CSNK2A1: variants seen among roughly 807,000 people sequenced by gnomAD.
CSNK2A1 encodes casein kinase 2 alpha 1, also known as casein kinase II subunit alpha.
In CSNK2A1, 10 loss-of-function variants were observed where a neutral mutation model predicts 62.9. That is an observed-to-expected ratio of 0.16 (90% CI 0.10 to 0.27). CSNK2A1 has a LOEUF of 0.27. Ranked by LOEUF, CSNK2A1 falls within the 10% of genes least tolerant of loss-of-function variation. The probability of loss-of-function intolerance (pLI) is 1.00; values close to 1 mark genes in which losing one functional copy is unlikely to be tolerated. For synonymous variants in CSNK2A1, 124 were observed against 167.8 expected, an observed-to-expected ratio of 0.74 and a Z score of 2.02; for missense variants, 160 against 492.0, an observed-to-expected ratio of 0.33 and a Z score of 6.38.
rs1436527416 is a variant in CSNK2A1, at chr20:477,754, G to A, written c.*6207C>T. 2 of 152,354 alleles carry A rather than the reference G, an allele frequency of 1.3e-5. No homozygotes were observed. The highest frequency in any genetic ancestry group is 2.9e-5 in the Non-Finnish European group (2 of 68,186). The allele number at this position is 152,354 out of a possible 1,614,324, so 9.4% of individuals were successfully genotyped here. A position where few individuals can be genotyped will look rare whatever the true frequency, so the allele number is the denominator to read the frequency against. ...CGCCTGTAATCCCACCACTTTGGGA[G>A]GCTTGGGCGGGCGGATCACCTGAGG... is the stretch of plus-strand genomic sequence containing the variant. On this transcript the variant is annotated 3_prime_UTR_variant, in exon 14 of 14. Coordinates refer to ENST00000217244, the MANE Select transcript of CSNK2A1 (RefSeq NM_177559.3).
chr20:484,998 C>T (rs531627632), intron 13 of CSNK2A1, among the ~76,000 whole-genome samples: 12 of 132,000 alleles, frequency 9.1e-5, no homozygotes, highest in African/African-American at 2.3e-4. Flanking sequence ...ACCCGGGAGG[C>T]GGAGGCTGCA....
At chr20:503,514 G>T (rs1160992463) in intron 4 of CSNK2A1, 1 of 398,490 alleles carries the variant, frequency 2.5e-6, no homozygotes, top group Admixed American at 4.4e-5. Context: ...ACATTTTTGA[G>T]GAAGACACAT....
chr20:519,649 C>A (rs58317189), intron 2 of CSNK2A1, among the ~76,000 whole-genome samples: 1 of 151,980 alleles, frequency 6.6e-6, no homozygotes, highest in African/African-American at 2.4e-5. Context: ...AACAATGAAG[C>A]CAAGTAGTTT....
intron 4 of CSNK2A1, 114 bp from the exon 5 acceptor site, chr20:500,048 A>G (rs940655055): frequency 9.2e-6 from 7 of 763,226 alleles, no homozygotes; most frequent in Admixed American, 5.0e-5. Flanking sequence ...CACACCTTGA[A>G]GGAAGAAAAT....
chr20:510,628 T>C (rs546927435), intron 2 of CSNK2A1, among the ~76,000 whole-genome samples: 2 of 152,168 alleles, frequency 1.3e-5, no homozygotes, highest in Non-Finnish European at 2.9e-5. Context: ...CACTCACAAA[T>C]GATAAAACAA....
rs2017943947 is a variant in CSNK2A1 at position 480,888 on chromosome 20, T to C, written c.*3073A>G. ...CCCAAATCTGTCAACCAATCTCTAA[T>C]TTTCTCTGCTACTTTAGGACTATAG... On this transcript the variant is annotated 3_prime_UTR_variant, in exon 14 of 14. Coordinates refer to ENST00000217244, the MANE Select transcript of CSNK2A1 (RefSeq NM_177559.3). 6.6e-6 allele frequency: 1 copy of C among 152,234 alleles called. No homozygotes were observed. The highest frequency in any genetic ancestry group is 1.5e-5 in the Non-Finnish European group (1 of 68,046). 9.4% of individuals were successfully genotyped at this position (152,234 alleles called of 1,614,324 possible). A position where few individuals can be genotyped will look rare whatever the true frequency, so the allele number is the denominator to read the frequency against.
chr20:495,983 C>G, intron 7 of CSNK2A1, 181 bp from the exon 8 acceptor site: 1 of 562,924 alleles, frequency 1.8e-6, no homozygotes, highest in East Asian at 3.0e-5. Context: ...CAAGCAAACT[C>G]AGCTCTCTGA....
At chr20:484,982 G>A (rs769429787) in intron 13 of CSNK2A1, among the ~76,000 whole-genome samples, 24 of 142,402 alleles carry the variant, frequency 1.7e-4, no homozygotes, top group Non-Finnish European at 3.0e-4. Flanking sequence ...TGGGAGAATC[G>A]CTTGAACCCG....
chr20:521,467 A>C (rs1315280331), intron 2 of CSNK2A1, among the ~76,000 whole-genome samples: 4 of 152,238 alleles, frequency 2.6e-5, no homozygotes, highest in Non-Finnish European at 5.9e-5. Flanking sequence ...CCTGGTAGGA[A>C]TGCAAAATGG....
At position 508,514 on chromosome 20, in the gene CSNK2A1, G is replaced by A; in HGVS notation, c.38C>T (p.Thr13Ile). 1 of 1,614,096 alleles carries A rather than the reference G, an allele frequency of 6.2e-7. No individual in the cohort carries two copies. The highest frequency in any genetic ancestry group is 8.5e-7 in the Non-Finnish European group (1 of 1,179,996). The change falls in exon 3 of 14, where the codon ACA (threonine) becomes ATA (isoleucine). Residue 13 changes from threonine to isoleucine, a missense_variant. This residue lies in a region of CSNK2A1 where 15 missense variants were observed against 25.6 expected (regional missense o/e 0.59). Coordinates refer to ENST00000217244, the MANE Select transcript of CSNK2A1 (RefSeq NM_177559.3). ...GPVPSRARVY[T>I]DVNTHRPREY... is the part of the protein sequence containing the mutation. ...TCGAGGTCTGTGTGTATTAACATCTGTGTAAACTCTGGCCCTGCTTGGCAC... is the reference window on the plus strand; with the variant it reads ...TCGAGGTCTGTGTGTATTAACATCTATGTAAACTCTGGCCCTGCTTGGCAC...
chr20:480,125 T>C lies in CSNK2A1; in HGVS notation c.*3836A>G, dbSNP rs559594387. 1 of 152,272 alleles carries C rather than the reference T, an allele frequency of 6.6e-6. No individual in the cohort carries two copies. The highest frequency in any genetic ancestry group is 6.5e-5 in the Admixed American group (1 of 15,286). The allele number at this position is 152,272 out of a possible 1,614,324, so 9.4% of individuals were successfully genotyped here. Reference sequence around the variant, plus strand: ...CAGGGTCTCATTAAATAAAGTTACTTGTCATGTTAGTTCAGTCTGGCCTGT... The same window carrying C: ...CAGGGTCTCATTAAATAAAGTTACTCGTCATGTTAGTTCAGTCTGGCCTGT... On this transcript the variant is annotated 3_prime_UTR_variant, in exon 14 of 14. Coordinates refer to ENST00000217244, the MANE Select transcript of CSNK2A1 (RefSeq NM_177559.3).
rs11401840 is a variant in CSNK2A1 at position 523,858 on chromosome 20, C to CAAAA, written c.-110+4071_-110+4074dup. Among the ~76,000 whole-genome samples the CAAAA allele has an allele frequency of 6.8e-4, 31 of 45,526 alleles. 2 individuals carry two copies. Among genetic ancestry groups the CAAAA allele is most frequent in the African/African-American group, 2.4e-3 (26 of 10,906 alleles). 29.9% of individuals were successfully genotyped at this position (45,526 alleles called of 152,430 possible). On this transcript the variant is annotated intron_variant, in intron 2 of 13. Transcript: ENST00000217244. ...TGGGCGACAGAGCAAGACTCCATCT[C>CAAAA]AAAAAAAAAAAAAAAAAAAAAAACT...
Position 487,109 on chromosome 20 carries a change from C to A in CSNK2A1, c.973+318G>T, listed in dbSNP as rs1404756076. On this transcript the variant is annotated intron_variant, in intron 12 of 13. Transcript: ENST00000217244. ...TGTAAGCCTCATTAGCTCTTTCCAA[C>A]GAATGATTACTAGGGACAGGAAAGA... 4 of 298,742 alleles carry A rather than the reference C, an allele frequency of 1.3e-5. No homozygotes were observed. The East Asian group carries it at 1.8e-4, about 14-fold the overall frequency. The allele number at this position is 298,742 out of a possible 1,614,324, so 18.5% of individuals were successfully genotyped here.
chr20:536,833 C>T (rs2019341200), intron 1 of CSNK2A1, among the ~76,000 whole-genome samples: 1 of 152,188 alleles, frequency 6.6e-6, no homozygotes, highest in Non-Finnish European at 1.5e-5. Context: ...AGATCTTTAG[C>T]ACAACGCCTG....
At chr20:542,346 A>G (rs2019468154) in intron 1 of CSNK2A1, among the ~76,000 whole-genome samples, 1 of 152,218 alleles carries the variant, frequency 6.6e-6, no homozygotes. Flanking sequence ...TTGAGAACCT[A>G]GGCAGTCTGG....
chr20:495,989 T>C, intron 7 of CSNK2A1, 187 bp from the exon 8 acceptor site: 1 of 550,354 alleles, frequency 1.8e-6, no homozygotes, highest in Non-Finnish European at 3.3e-6. Flanking sequence ...AACTCAGCTC[T>C]CTGAGCTTAG....
At chr20:492,651 C>CAT (rs2018260018) in intron 8 of CSNK2A1, 1 of 303,680 alleles carries the variant, frequency 3.3e-6, no homozygotes, top group African/African-American at 2.2e-5. Context: ...TATTGGTAAG[C>CAT]ATTTCCTTAA....
intron 2 of CSNK2A1, among the ~76,000 whole-genome samples, chr20:522,305 C>T (rs2018968193): frequency 6.6e-6 from 1 of 152,194 alleles, no homozygotes; most frequent in Admixed American, 6.5e-5. Flanking sequence ...GTAGAAAAAC[C>T]TGGCAGACTT....
chr20:485,881 T>A (rs762191229), intron 13 of CSNK2A1, among the ~76,000 whole-genome samples: 2 of 152,224 alleles, frequency 1.3e-5, no homozygotes, highest in African/African-American at 2.4e-5. Flanking sequence ...AACTGGGTAC[T>A]CTATAAAAAT....
Sources: allele counts gnomAD v4.1 joint callset (sites outside exome capture counted in the v4.1 genomes callset), GRCh38; gene constraint gnomAD v4.1.1; regional missense constraint gnomAD v4.1.1; transcripts MANE v1.5; gene names NCBI Gene and HGNC (gene_info 2026-07-23, HGNC 2026-07-21).